The following TBC1D19 variants were observed in gnomAD, a reference collection of about 807,000 sequenced individuals.
The protein encoded by TBC1D19 is TBC1 domain family member 19.
In TBC1D19, 60 loss-of-function variants were observed where a neutral mutation model predicts 89.0. That is an observed-to-expected ratio of 0.67 (90% CI 0.55 to 0.84). The LOEUF is 0.84. Ranked by LOEUF, TBC1D19 falls within the 40% of genes least tolerant of loss-of-function variation. The probability of loss-of-function intolerance (pLI) is 0.00; values close to 1 mark genes in which losing one functional copy is unlikely to be tolerated. For synonymous variants in TBC1D19, 189 were observed against 199.7 expected (o/e 0.95, Z 0.45); for missense variants, 500 against 610.8 (o/e 0.82, Z 1.91).
At chr4:26,801,838 CAGGG>C in the TBC1D19 span, among the ~76,000 whole-genome samples, 1 of 152,082 alleles carries the variant, frequency 6.6e-6, no homozygotes, top group Admixed American at 6.6e-5. Flanking sequence ...CATGTGCAAT[CAGGG>C]AGCTACCAAG....
intron 15 of TBC1D19, among the ~76,000 whole-genome samples, chr4:26,734,478 T>C (rs1413130028): frequency 6.6e-6 from 1 of 152,182 alleles, no homozygotes; most frequent in African/African-American, 2.4e-5. Flanking sequence ...CTGTACAAAT[T>C]CAAATTTTTT....
chr4:26,664,127 G>A (rs1257616169), intron 8 of TBC1D19, among the ~76,000 whole-genome samples: 2 of 152,158 alleles, frequency 1.3e-5, no homozygotes, highest in African/African-American at 4.8e-5. Context: ...GCAGGCTAGT[G>A]GAGAGGTGGG....
chr4:26,640,316 A>G lies in TBC1D19; in HGVS notation c.480+129A>G. Reference sequence around the variant, plus strand: ...CCAGAGTCACTGAAGCAGTAGAATGACATGATCAGATCTGTGTTTGAAAAT... The same window carrying G: ...CCAGAGTCACTGAAGCAGTAGAATGGCATGATCAGATCTGTGTTTGAAAAT... On this transcript the variant is annotated intron_variant, in intron 7 of 20. Coordinates refer to ENST00000264866, the MANE Select transcript of TBC1D19 (RefSeq NM_018317.4). 4.3e-6 allele frequency: 3 copies of G among 689,948 alleles called. No homozygotes were observed. The South Asian group carries it at 5.8e-5, about 13-fold the overall frequency. 42.7% of individuals were successfully genotyped at this position (689,948 alleles called of 1,614,324 possible). A position where few individuals can be genotyped will look rare whatever the true frequency, so the allele number is the denominator to read the frequency against.
At chr4:26,588,352 G>A (rs1365471206) in intron 1 of TBC1D19, among the ~76,000 whole-genome samples, 1 of 151,988 alleles carries the variant, frequency 6.6e-6, no homozygotes, top group Non-Finnish European at 1.5e-5. Flanking sequence ...AATTAATCTG[G>A]CTAGAGATTT....
At chr4:26,600,463 C>T (rs1232119686) in intron 1 of TBC1D19, among the ~76,000 whole-genome samples, 1 of 152,182 alleles carries the variant, frequency 6.6e-6, no homozygotes, top group Non-Finnish European at 1.5e-5. Flanking sequence ...AAGTACATCT[C>T]TTCATGTTTT....
At chr4:26,783,576 A>G in the TBC1D19 span, among the ~76,000 whole-genome samples, 1 of 151,738 alleles carries the variant, frequency 6.6e-6, no homozygotes, top group Non-Finnish European at 1.5e-5. Flanking sequence ...TAAAAAAAAG[A>G]TATTTGGTAG....
the TBC1D19 span, among the ~76,000 whole-genome samples, chr4:26,822,701 T>TGC: frequency 0.026 from 3,887 of 152,278 alleles, 177 homozygotes; most frequent in African/African-American, 0.09. Flanking sequence ...AATGTATACT[T>TGC]CTTCATTTAG....
chr4:26,759,595 A>G (rs1193247510), downstream of TBC1D19, among the ~76,000 whole-genome samples: 2 of 152,124 alleles, frequency 1.3e-5, no homozygotes, highest in Non-Finnish European at 2.9e-5. Context: ...CTCCCAAAAT[A>G]GTTCCTTTTG....
At chr4:26,619,361 C>T (rs552233743) in intron 3 of TBC1D19, among the ~76,000 whole-genome samples, 5 of 152,180 alleles carry the variant, frequency 3.3e-5, no homozygotes, top group East Asian at 3.9e-4. Context: ...TGTGCCACCA[C>T]GGCTGGCTAA....
At chr4:26,817,981 A>ATATATATATATATATATATATAT in the TBC1D19 span, among the ~76,000 whole-genome samples, 38 of 126,030 alleles carry the variant, frequency 3.0e-4, no homozygotes, top group African/African-American at 1.3e-3. Context: ...AAAAAAAAAA[A>ATATATATATATATATATATATAT]ATATATATAT....
At chr4:26,585,292 T>C (rs1739344879) in intron 1 of TBC1D19, 1 of 344,902 alleles carries the variant, frequency 2.9e-6, no homozygotes, top group Non-Finnish European at 5.7e-6. Flanking sequence ...TTTTGCGTCC[T>C]TGATAGCGCT....
At chr4:26,578,026 AGT>A (rs1156920651) in intron 1 of TBC1D19, among the ~76,000 whole-genome samples, 1 of 152,138 alleles carries the variant, frequency 6.6e-6, no homozygotes, top group Non-Finnish European at 1.5e-5. Flanking sequence ...CACTTAATTC[AGT>A]GTCCTGTTTA....
At chr4:26,787,265 C>A in the TBC1D19 span, among the ~76,000 whole-genome samples, 1 of 152,028 alleles carries the variant, frequency 6.6e-6, no homozygotes, top group Non-Finnish European at 1.5e-5. Context: ...CCAAATCTGG[C>A]TAATTTTTTG....
At chr4:26,748,350 T>G in intron 18 of TBC1D19, 61 bp from the exon 19 acceptor site, 2 of 1,200,784 alleles carry the variant, frequency 1.7e-6, no homozygotes, top group South Asian at 2.5e-5. Context: ...TCTTCTGATA[T>G]TGCATTTTCA....
intron 1 of TBC1D19, among the ~76,000 whole-genome samples, chr4:26,588,387 G>T (rs1381694095): frequency 6.6e-6 from 1 of 150,384 alleles, no homozygotes; most frequent in Non-Finnish European, 1.5e-5. Context: ...TACTTTCAAA[G>T]AAGTAGCTCT....
chr4:26,684,485 C>T (rs543282831), intron 12 of TBC1D19, among the ~76,000 whole-genome samples: 7 of 152,264 alleles, frequency 4.6e-5, no homozygotes, highest in South Asian at 2.1e-4. Context: ...CCTGTGGTTG[C>T]GTGCTTGGTT....
chr4:26,768,734 G>A, the TBC1D19 span, among the ~76,000 whole-genome samples: 1 of 151,672 alleles, frequency 6.6e-6, no homozygotes, highest in Non-Finnish European at 1.5e-5. Context: ...AAAGATTAGT[G>A]AATCATGAAA....
chr4:26,582,857 G>GC (rs1243224406), upstream of TBC1D19, among the ~76,000 whole-genome samples: 3 of 152,294 alleles, frequency 2.0e-5, no homozygotes, highest in East Asian at 1.9e-4. Flanking sequence ...ATGTCAGAGT[G>GC]CTGTGCATAG....
the TBC1D19 span, among the ~76,000 whole-genome samples, chr4:26,846,321 T>G: frequency 6.6e-6 from 1 of 152,198 alleles, no homozygotes; most frequent in African/African-American, 2.4e-5. Flanking sequence ...TTTTAAACCT[T>G]GTTAATAGGA....
Sources: allele counts gnomAD v4.1 joint callset (sites outside exome capture counted in the v4.1 genomes callset), GRCh38; gene constraint gnomAD v4.1.1; transcripts MANE v1.5; gene names NCBI Gene and HGNC (gene_info 2026-07-23, HGNC 2026-07-21).